Variants in NEDD4 observed in about 807,000 individuals in gnomAD.
NEDD4 encodes the protein NEDD4 E3 ubiquitin protein ligase, also known as E3 ubiquitin-protein ligase NEDD4.
NEDD4 carries 99 observed loss-of-function variants against 144.9 expected under a neutral mutation model. The ratio of observed to expected loss-of-function variants is 0.68; its 90% CI spans 0.58 to 0.81. The LOEUF (loss-of-function observed/expected upper bound fraction) is 0.81, where lower values mean the gene tolerates loss of function less well. NEDD4 is among the 30% of genes least tolerant of loss of function. The pLI, the probability that NEDD4 is intolerant of heterozygous loss-of-function variation, is 0.00. For missense variants in NEDD4, 985 were observed against 1,065.9 expected, an observed-to-expected ratio of 0.92 and a Z score of 1.06; for synonymous variants, 318 against 350.6, an observed-to-expected ratio of 0.91 and a Z score of 1.04.
intron 4 of NEDD4, among the ~76,000 whole-genome samples, chr15:55,950,625 G>A: frequency 6.6e-6 from 1 of 152,176 alleles, no homozygotes; most frequent in African/African-American, 2.4e-5. Flanking sequence ...TCATTTGAGT[G>A]ATGGGGATTT....
chr15:55,915,739 C>T (rs1412521972), intron 5 of NEDD4: 2 of 1,613,928 alleles, frequency 1.2e-6, no homozygotes, highest in Non-Finnish European at 1.7e-6. Flanking sequence ...TTTTCACAGA[C>T]AGTCTGTCTG....
At chr15:55,905,092 CAA>C (rs59917604) in intron 5 of NEDD4, 1,505 of 242,242 alleles carry the variant, frequency 6.2e-3, no homozygotes, top group Middle Eastern at 0.011. Flanking sequence ...AATTCCGTCT[CAA>C]AAAAAAAAAA....
At chr15:55,988,078 T>C (rs1566979836) in intron 1 of NEDD4, 2 of 150,304 alleles carry the variant, frequency 1.3e-5, no homozygotes, top group Non-Finnish European at 3.0e-5. Flanking sequence ...CCAACCCAAA[T>C]GTCCAACAAT....
chr15:55,949,952 A>T (rs549359987), intron 4 of NEDD4, among the ~76,000 whole-genome samples: 93 of 146,880 alleles, frequency 6.3e-4, no homozygotes, highest in African/African-American at 1.9e-3. Flanking sequence ...AAGTATAATT[A>T]AAAAAAAAAA....
Position 55,837,854 on chromosome 15 carries a change from A to C in NEDD4, c.2202-5T>G. 1 of 1,606,368 alleles carries C rather than the reference A, an allele frequency of 6.2e-7. No individual in the cohort carries two copies. The highest frequency in any genetic ancestry group is 8.5e-7 in the Non-Finnish European group (1 of 1,174,746). ...AATCGCCATTGTATTACAAGACTAA[A>C]AAGAAACAACATTTCATTTTCATGT... On this transcript the variant is annotated splice_polypyrimidine_tract_variant and splice_region_variant and intron_variant, in intron 23 of 28. Transcript: ENST00000435532.
intron 4 of NEDD4, among the ~76,000 whole-genome samples, chr15:55,932,583 C>T (rs2142253937): frequency 6.6e-6 from 1 of 152,294 alleles, no homozygotes; most frequent in South Asian, 2.1e-4. Context: ...AAAAGCTAGG[C>T]AATACCATTC....
intron 8 of NEDD4, among the ~76,000 whole-genome samples, chr15:55,867,224 C>G (rs1261241973): frequency 6.6e-6 from 1 of 152,142 alleles, no homozygotes; most frequent in African/African-American, 2.4e-5. Flanking sequence ...TGTCAAAGGA[C>G]TAGGCAAGAC....
At chr15:55,881,846 AT>A (rs1214266616) in intron 5 of NEDD4, among the ~76,000 whole-genome samples, 4 of 149,824 alleles carry the variant, frequency 2.7e-5, no homozygotes, top group Non-Finnish European at 4.5e-5. Context: ...GAGCCAGATA[AT>A]TTTTTTTTTG....
At chr15:55,946,623 C>A (rs1336925836) in intron 4 of NEDD4, among the ~76,000 whole-genome samples, 1 of 152,134 alleles carries the variant, frequency 6.6e-6, no homozygotes, top group Non-Finnish European at 1.5e-5. Flanking sequence ...ACAAGGATAT[C>A]CAGGAATTGA....
chr15:55,900,224 G>A (rs1299168014), intron 5 of NEDD4, among the ~76,000 whole-genome samples: 3 of 152,150 alleles, frequency 2.0e-5, no homozygotes, highest in Non-Finnish European at 2.9e-5. Context: ...CAACAGGTGC[G>A]CTGCATATGC....
At chr15:55,891,777 TA>T in intron 5 of NEDD4, among the ~76,000 whole-genome samples, 1 of 152,286 alleles carries the variant, frequency 6.6e-6, no homozygotes, top group South Asian at 2.1e-4. Context: ...GCTGTTTTTG[TA>T]AAAACTTTAA....
intron 11 of NEDD4, among the ~76,000 whole-genome samples, chr15:55,859,033 T>C (rs2034302312): frequency 6.6e-6 from 1 of 152,238 alleles, no homozygotes; most frequent in Non-Finnish European, 1.5e-5. Context: ...AGGCAGGAGA[T>C]ATTGTTAATT....
At chr15:55,947,695 A>G (rs764864542) in intron 4 of NEDD4, among the ~76,000 whole-genome samples, 24 of 152,380 alleles carry the variant, frequency 1.6e-4, no homozygotes, top group Admixed American at 4.6e-4. Context: ...AACCAAAGAC[A>G]AAAACCATAT....
At chr15:55,830,488 C>G (rs371958508) in intron 28 of NEDD4, 26 bp downstream of exon 28, 1 of 1,602,388 alleles carries the variant, frequency 6.2e-7, no homozygotes, top group Non-Finnish European at 8.6e-7. Context: ...AGGCTTTGTT[C>G]TATCAAGGTC....
intron 5 of NEDD4, among the ~76,000 whole-genome samples, chr15:55,903,867 TAC>T (rs1177428580): frequency 9.4e-6 from 1 of 106,882 alleles, no homozygotes; most frequent in Non-Finnish European, 2.0e-5. Context: ...TATATATATA[TAC>T]ACACATTGGC....
chr15:55,992,801 T>C (rs189789008), intron 1 of NEDD4, among the ~76,000 whole-genome samples: 14 of 152,350 alleles, frequency 9.2e-5, no homozygotes, highest in African/African-American at 3.4e-4. Context: ...TCCCAGAGCT[T>C]AATCTAGTTT....
chr15:55,987,222 G>A (rs2037910803), intron 1 of NEDD4: 1 of 58,716 alleles, frequency 1.7e-5, no homozygotes, highest in Non-Finnish European at 3.4e-5. Context: ...CTGATGGCCA[G>A]TGATGATGAG....
chr15:55,872,234 C>A (rs571305872), intron 7 of NEDD4, among the ~76,000 whole-genome samples, 181 bp downstream of exon 7: 1 of 151,598 alleles, frequency 6.6e-6, no homozygotes, highest in African/African-American at 2.4e-5. Context: ...TTGCAATGTG[C>A]ATACAGTACT....
At chr15:55,942,080 T>C (rs1274413140) in intron 4 of NEDD4, among the ~76,000 whole-genome samples, 1 of 151,928 alleles carries the variant, frequency 6.6e-6, no homozygotes, top group Non-Finnish European at 1.5e-5. Flanking sequence ...TTTTGTCTAG[T>C]TGTTGTATCA....
Sources: allele counts gnomAD v4.1 joint callset (sites outside exome capture counted in the v4.1 genomes callset), GRCh38; gene constraint gnomAD v4.1.1; transcripts MANE v1.5; gene names NCBI Gene and HGNC (gene_info 2026-07-23, HGNC 2026-07-21).